The following MINK1 variants were observed in gnomAD, a reference collection of about 807,000 sequenced individuals.
The protein encoded by MINK1 is misshapen-like kinase 1.
In MINK1, 46 loss-of-function variants were observed where a neutral mutation model predicts 178.4. The observed-to-expected ratio is 0.26, with a 90% CI of 0.20 to 0.33. The LOEUF (loss-of-function observed/expected upper bound fraction) is 0.33, where lower values mean the gene tolerates loss of function less well. Ranked by LOEUF, MINK1 falls within the 10% of genes least tolerant of loss-of-function variation. The probability of loss-of-function intolerance (pLI) is 1.00; values close to 1 mark genes in which losing one functional copy is unlikely to be tolerated. For missense variants in MINK1, 1,366 were observed against 1,814.9 expected (o/e 0.75, Z 4.49); for synonymous variants, 797 against 709.7 (o/e 1.12, Z -1.96).
chr17:4,838,413 C>G (rs1909624990), intron 1 of MINK1, among the ~76,000 whole-genome samples: 1 of 152,082 alleles, frequency 6.6e-6, no homozygotes, highest in Admixed American at 6.6e-5. Context: ...GCCAGCTGGC[C>G]CACCCCCTCA....
intron 16 of MINK1, 99 bp downstream of exon 16, chr17:4,891,815 C>A: frequency 7.0e-7 from 1 of 1,437,600 alleles, no homozygotes; most frequent in Non-Finnish European, 9.2e-7. Flanking sequence ...GAGTGCAGGG[C>A]GGGAAGCGAG....
At chr17:4,862,563 A>G (rs1914333231) in intron 1 of MINK1, among the ~76,000 whole-genome samples, 1 of 152,040 alleles carries the variant, frequency 6.6e-6, no homozygotes, top group Non-Finnish European at 1.5e-5. Flanking sequence ...CTGAGGCAGG[A>G]GAACTGCTTG....
rs752913346 is a variant in MINK1 at position 4,893,026 on chromosome 17, G to A, written c.2359G>A (p.Ala787Thr). 72 of 1,578,464 alleles carry A rather than the reference G, an allele frequency of 4.6e-5. No homozygotes were observed. Among genetic ancestry groups the A allele is most frequent in the South Asian group, 1.5e-4 (13 of 86,006 alleles). The change falls in exon 20 of 32, where the codon GCC (alanine) becomes ACC (threonine). Residue 787 changes from alanine (A) to threonine (T), a missense_variant. Ala to Thr is a moderately conservative substitution (Grantham distance 58, BLOSUM62 0). Around this residue, in one of 14 missense-constraint regions of MINK1, gnomAD observed 709 missense variants for 692.3 expected, o/e 1.02. Transcript: ENST00000355280. ...SSPVLSPGNK[A>T]KPDDHRSRPG... ...CCCTGTGCTCTCCCCTGGGAATAAA[G>A]CCAAGCCCGACGACCACCGCTCACG...
intron 1 of MINK1, among the ~76,000 whole-genome samples, chr17:4,866,416 G>A (rs1169665439): frequency 3.3e-5 from 5 of 151,488 alleles, no homozygotes; most frequent in South Asian, 4.2e-4. Context: ...GCAGGGAGCC[G>A]AGATCGCGCC....
rs540471271 is a variant in MINK1, at chr17:4,836,256, A to G, written c.57+2616A>G. ...GCTGGCCTTAAGGAGCCCAAGGTGT[A>G]TTTCTCCTCTTGTTTCAAGATAAGG... On this transcript the variant is annotated intron_variant, in intron 1 of 31. Coordinates refer to ENST00000355280, the MANE Select transcript of MINK1 (RefSeq NM_153827.5). This position sits in a 1 kb window ranked among gnomAD's most constrained non-coding sequence, Gnocchi z 4.3. Among the ~76,000 whole-genome samples, 1 of 152,128 alleles carries G rather than the reference A, an allele frequency of 6.6e-6. No homozygotes were observed. The highest frequency in any genetic ancestry group is 2.4e-5 in the African/African-American group (1 of 41,482).
At chr17:4,838,156 C>A (rs915504953) in intron 1 of MINK1, among the ~76,000 whole-genome samples, 3 of 152,096 alleles carry the variant, frequency 2.0e-5, no homozygotes, top group Non-Finnish European at 4.4e-5. Flanking sequence ...TGGAAAATTG[C>A]AAAAGGGGAA....
Position 4,886,234 on chromosome 17 carries a change from G to T in MINK1, c.773+36G>T. ...GAGAGTGTGGGCTCTGGGAAGGAAG[G>T]TCCCTGGACAAGGCCATCCCCACCT... On this transcript the variant is annotated intron_variant, in intron 9 of 31. Coordinates refer to ENST00000355280, the MANE Select transcript of MINK1 (RefSeq NM_153827.5). The surrounding 1 kb of genome is among the most constrained non-coding windows in gnomAD (Gnocchi z 6.1). 1.2e-6 allele frequency: 2 copies of T among 1,605,862 alleles called. No individual in the cohort carries two copies. Among genetic ancestry groups the T allele is most frequent in the Non-Finnish European group, 1.7e-6 (2 of 1,172,510 alleles).
chr17:4,864,217 T>C (rs995668814), intron 1 of MINK1, among the ~76,000 whole-genome samples: 30 of 148,220 alleles, frequency 2.0e-4, no homozygotes, highest in African/African-American at 7.0e-4. Flanking sequence ...CTGACCGACA[T>C]GGAGAAACCC....
chr17:4,839,025 G>A (rs368744938), intron 1 of MINK1, among the ~76,000 whole-genome samples: 17 of 151,424 alleles, frequency 1.1e-4, no homozygotes, highest in Non-Finnish European at 1.6e-4. Context: ...CTCACTGCAA[G>A]CTCCACCTCC....
intron 12 of MINK1, 94 bp from the exon 13 acceptor site, chr17:4,889,550 CGTG>C (rs1315124901): frequency 1.9e-6 from 2 of 1,045,466 alleles, no homozygotes; most frequent in Admixed American, 2.0e-5. Flanking sequence ...TACCACCCTC[CGTG>C]GTGAGCAAGG....
In MINK1 at chr17:4,895,083, G is replaced by A. The variant is rs1026159808; in HGVS notation, c.2926G>A (p.Gly976Ser). 6.2e-7 allele frequency: 1 copy of A among 1,613,566 alleles called. No homozygotes were observed. The highest frequency in any genetic ancestry group is 8.5e-7 in the Non-Finnish European group (1 of 1,179,984). The change falls in exon 25 of 32, where the codon GGT becomes AGT. Residue 976 changes from glycine (G) to serine (S), a missense_variant. This residue lies in a region of MINK1 where 709 missense variants were observed against 692.3 expected (regional missense o/e 1.02). Transcript: ENST00000355280. The surrounding 1 kb of genome is among the most constrained non-coding windows in gnomAD (Gnocchi z 4.3). ...CCTCCTCCTTCTGGCAGCCCTAGTG[G>A]GTGGAGAGGGCACTCGGCTCGACCA... ...GDSIPITALV[G>S]GEGTRLDQLQ...
At chr17:4,840,784 G>A (rs1213729162) in intron 1 of MINK1, among the ~76,000 whole-genome samples, 2 of 152,148 alleles carry the variant, frequency 1.3e-5, no homozygotes, top group South Asian at 2.1e-4. Flanking sequence ...CTGATTTTGC[G>A]TGTTTGAAAG....
intron 2 of MINK1, among the ~76,000 whole-genome samples, chr17:4,879,757 A>G (rs1967529394): frequency 1.3e-5 from 2 of 152,208 alleles, no homozygotes. Context: ...TCTTCCCACT[A>G]GGGCTGGTGA....
rs896546106 is a variant in MINK1 at position 4,859,151 on chromosome 17, C to G, written c.58-19166C>G. On this transcript the variant is annotated intron_variant, in intron 1 of 31. Coordinates refer to ENST00000355280, the MANE Select transcript of MINK1 (RefSeq NM_153827.5). The stretch of plus-strand genomic sequence containing the variant: ...GCTCGAAGCACAGGAGAGACCAGTC[C>G]TTCCTTGTCTCCACTGGGCTGTTTA... The G allele has an allele frequency of 2.7e-5, 27 of 985,342 alleles. 1 individual carries two copies. The Admixed American group carries it at 3.7e-4, about 13-fold the overall frequency. 61.0% of individuals were successfully genotyped at this position (985,342 alleles called of 1,614,324 possible).
chr17:4,889,583 A>G (rs1243940700), intron 12 of MINK1, 64 bp from the exon 13 acceptor site: 7 of 1,366,196 alleles, frequency 5.1e-6, no homozygotes, highest in South Asian at 1.2e-5. Flanking sequence ...CTCCCTGTCC[A>G]TGGAGGGGCA....
chr17:4,847,894 G>A (rs1567561599), intron 1 of MINK1, among the ~76,000 whole-genome samples: 1 of 152,070 alleles, frequency 6.6e-6, no homozygotes, highest in Non-Finnish European at 1.5e-5. Flanking sequence ...TTCAGAAAAA[G>A]GTCTGGGCCC....
At chr17:4,853,885 A>G (rs754905020) in intron 1 of MINK1, among the ~76,000 whole-genome samples, 1 of 152,094 alleles carries the variant, frequency 6.6e-6, no homozygotes, top group African/African-American at 2.4e-5. Context: ...GCTGCCTGAA[A>G]GACTTTGCAA....
chr17:4,850,521 C>T (rs1031412848), intron 1 of MINK1, among the ~76,000 whole-genome samples: 26 of 149,326 alleles, frequency 1.7e-4, no homozygotes, highest in African/African-American at 5.7e-4. Context: ...TCCTGCTGGC[C>T]CCCCCCGCCC....
chr17:4,893,751 C>CACAACACACAGGGCAGCGGGAGA, intron 21 of MINK1, 154 bp downstream of exon 21: 2 of 1,185,534 alleles, frequency 1.7e-6, no homozygotes, highest in Non-Finnish European at 2.3e-6. Context: ...GTCTCTCTCC[C>CACAACACACAGGGCAGCGGGAGA]GCTGCCCTGT....
Sources: allele counts gnomAD v4.1 joint callset (sites outside exome capture counted in the v4.1 genomes callset), GRCh38; gene constraint gnomAD v4.1.1; regional missense constraint gnomAD v4.1.1; non-coding constraint Gnocchi (gnomAD v3.1); transcripts MANE v1.5; gene names NCBI Gene and HGNC (gene_info 2026-07-23, HGNC 2026-07-21).